The following ITPR1 variants were observed in gnomAD, a reference collection of about 807,000 sequenced individuals.
ITPR1 encodes inositol 1,4,5-trisphosphate-gated calcium channel ITPR1.
A neutral mutation model predicts 318.4 loss-of-function variants in ITPR1; 96 were observed. The observed-to-expected ratio is 0.30, with a 90% CI of 0.26 to 0.36. The LOEUF (loss-of-function observed/expected upper bound fraction) is 0.36. ITPR1 is among the 10% of genes least tolerant of loss of function. The pLI is 1.00. For missense variants in ITPR1, 2,440 were observed against 3,460.2 expected, an observed-to-expected ratio of 0.71 and a Z score of 7.40; for synonymous variants, 1,312 against 1,289.9, an observed-to-expected ratio of 1.02 and a Z score of -0.37.
Position 4,665,170 on chromosome 3 carries a change from C to T in ITPR1, c.1587C>T (p.Asp529=), listed in dbSNP as rs757976728. ...AGTTGTTACAAGCCCCATTCACAGA[C>T]TGCGGTGATGGCCCAATGCTTCGGC... ...IFKLLQAPFT[D]CGDGPMLRLE... is the part of the protein sequence containing the mutation. Residue 529 remains aspartate, a synonymous_variant, in exon 17 of 62, where the codon GAC becomes GAT. Coordinates refer to ENST00000649015, the MANE Select transcript of ITPR1 (RefSeq NM_001378452.1). The T allele has an allele frequency of 1.2e-6, 2 of 1,613,920 alleles. No homozygotes were observed. Among genetic ancestry groups the T allele is most frequent in the African/African-American group, 1.3e-5 (1 of 74,934 alleles).
intron 52 of ITPR1, among the ~76,000 whole-genome samples, chr3:4,789,654 C>T (rs1192508921): frequency 6.6e-6 from 1 of 152,148 alleles, no homozygotes; most frequent in Non-Finnish European, 1.5e-5. Flanking sequence ...GAGTCTTGGT[C>T]TGTCGCCCAG....
rs13321741 is a variant in ITPR1, at chr3:4,797,197, T to C, written c.6931+2010T>C. 9.1e-3 allele frequency among the ~76,000 whole-genome samples: 1,381 copies of C among 151,788 alleles called. 23 individuals carry two copies. Among genetic ancestry groups the C allele is most frequent in the African/African-American group, 0.031 (1,294 of 41,328 alleles). ...GCCTTTTCCATTATCTAGTAGCTGA[T>C]ACTGCCTTAAGTGCATCAGTTCACT... is the stretch of plus-strand genomic sequence containing the variant. On this transcript the variant is annotated intron_variant, in intron 53 of 61. Coordinates refer to ENST00000649015, the MANE Select transcript of ITPR1 (RefSeq NM_001378452.1).
intron 31 of ITPR1, among the ~76,000 whole-genome samples, chr3:4,690,654 A>G (rs1559703489): frequency 6.6e-6 from 1 of 152,216 alleles, no homozygotes; most frequent in Non-Finnish European, 1.5e-5. Flanking sequence ...CAACTCTAGT[A>G]TTTATAATAC....
In ITPR1 at chr3:4,658,185, A is replaced by T; in HGVS notation, c.1058A>T (p.Tyr353Phe). ...RLRNAQEKMV[Y>F]SLVSVPEGND... ...CGGAATGCCCAAGAAAAGATGGTAT[A>T]CTCCCTGGTCTCTGTGCCTGAAGGC... The change falls in exon 13 of 62, where the codon TAC (tyrosine) becomes TTC (phenylalanine). Residue 353 changes from tyrosine to phenylalanine, a missense_variant. Tyr to Phe is a conservative substitution (Grantham distance 22). Coordinates refer to ENST00000649015, the MANE Select transcript of ITPR1 (RefSeq NM_001378452.1). 6.2e-7 allele frequency: 1 copy of T among 1,613,108 alleles called. No individual in the cohort carries two copies. Among genetic ancestry groups the T allele is most frequent in the Non-Finnish European group, 8.5e-7 (1 of 1,179,490 alleles).
At chr3:4,700,987 A>G (rs2094640642) in intron 35 of ITPR1, among the ~76,000 whole-genome samples, 1 of 152,202 alleles carries the variant, frequency 6.6e-6, no homozygotes, top group African/African-American at 2.4e-5. Flanking sequence ...ACCTCCCACC[A>G]GGTGTCTCCC....
In ITPR1 at chr3:4,662,016, T is replaced by A; in HGVS notation, c.1252-66T>A. The A allele has an allele frequency of 3.7e-6, 5 of 1,363,736 alleles. No homozygotes were observed. The South Asian group carries it at 6.3e-5, about 17-fold the overall frequency. 84.5% of individuals were successfully genotyped at this position (1,363,736 alleles called of 1,614,324 possible). A position where few individuals can be genotyped will look rare whatever the true frequency, so the allele number is the denominator to read the frequency against. On this transcript the variant is annotated intron_variant, in intron 14 of 61. Transcript: ENST00000649015. Reference sequence around the variant, plus strand: ...ATCAGCCAGTGTCTCGTAAATGTAGTGTTTGATTAAAGTCTTATCCTTCCC... The same window carrying A: ...ATCAGCCAGTGTCTCGTAAATGTAGAGTTTGATTAAAGTCTTATCCTTCCC...
In ITPR1 at chr3:4,835,729, C is replaced by T. The variant is rs1472515700; in HGVS notation, c.8029-1045C>T. Among the ~76,000 whole-genome samples the T allele has an allele frequency of 2.0e-5, 3 of 152,186 alleles. No individual in the cohort carries two copies. In the East Asian group the frequency reaches 5.8e-4, roughly 29 times the overall value. On this transcript the variant is annotated intron_variant, in intron 60 of 61. Transcript: ENST00000649015. ...AGCTTTTCTTACTGTTCATTCCTGC[C>T]TCTCTGTACAGAACTTATGTATGCG...
At chr3:4,761,100 C>T (rs1185329389) in intron 44 of ITPR1, among the ~76,000 whole-genome samples, 1 of 152,094 alleles carries the variant, frequency 6.6e-6, no homozygotes, top group Non-Finnish European at 1.5e-5. Flanking sequence ...ACTCACAACC[C>T]CCCACCCTCC....
At chr3:4,605,038 C>A (rs1216537725) in intron 4 of ITPR1, among the ~76,000 whole-genome samples, 1 of 152,056 alleles carries the variant, frequency 6.6e-6, no homozygotes, top group Non-Finnish European at 1.5e-5. Context: ...GTGACACAAT[C>A]TTGGCTCACT....
At chr3:4,665,073 C>T (rs2093917879) in intron 16 of ITPR1, 65 bp from the exon 17 acceptor site, 4 of 1,568,112 alleles carry the variant, frequency 2.6e-6, no homozygotes, top group Admixed American at 3.3e-5. Context: ...GCATTACTTC[C>T]AAACAGAGGG....
intron 44 of ITPR1, among the ~76,000 whole-genome samples, chr3:4,764,880 G>T (rs2045703776): frequency 6.6e-6 from 1 of 151,966 alleles, no homozygotes; most frequent in African/African-American, 2.4e-5. Flanking sequence ...GCTCCTTTTT[G>T]TTCACTTCTC....
intron 60 of ITPR1, among the ~76,000 whole-genome samples, chr3:4,821,355 C>T (rs1044979086): frequency 1.3e-5 from 2 of 152,182 alleles, no homozygotes; most frequent in African/African-American, 4.8e-5. Flanking sequence ...TGACAGCTGC[C>T]AAAAGGCAAC....
At chr3:4,613,190 A>G (rs1048229506) in intron 4 of ITPR1, among the ~76,000 whole-genome samples, 10 of 152,232 alleles carry the variant, frequency 6.6e-5, no homozygotes, top group Non-Finnish European at 1.5e-4. Context: ...TTAGGAGTAG[A>G]TAAGAGACAA....
chr3:4,632,802 T>C (rs1300038931), intron 5 of ITPR1, among the ~76,000 whole-genome samples: 2 of 151,974 alleles, frequency 1.3e-5, no homozygotes. Flanking sequence ...TCAAAAATGG[T>C]CAACTCCTTA....
chr3:4,681,515 G>A, intron 26 of ITPR1, 97 bp downstream of exon 26: 1 of 861,872 alleles, frequency 1.2e-6, no homozygotes, highest in Non-Finnish European at 1.9e-6. Flanking sequence ...TTTAGTCTCT[G>A]GGCTTAGGTT....
At position 4,683,359 on chromosome 3, in the gene ITPR1, G is replaced by A. The variant is rs373631337; in HGVS notation, c.3162-27G>A. ...AGAGGAGGCATTTGTCATTCATTTGGCCTTTCCCCACCTTGTGCTCCTTTA... is the reference window on the plus strand; with the variant it reads ...AGAGGAGGCATTTGTCATTCATTTGACCTTTCCCCACCTTGTGCTCCTTTA... On this transcript the variant is annotated intron_variant, in intron 26 of 61. Coordinates refer to ENST00000649015, the MANE Select transcript of ITPR1 (RefSeq NM_001378452.1). 19 of 1,613,686 alleles carry A rather than the reference G, an allele frequency of 1.2e-5. No individual in the cohort carries two copies. The African/African-American group carries it at 2.3e-4, about 19-fold the overall frequency.
intron 55 of ITPR1, among the ~76,000 whole-genome samples, chr3:4,810,021 G>A (rs566553122): frequency 1.3e-5 from 2 of 152,236 alleles, no homozygotes; most frequent in South Asian, 2.1e-4. Flanking sequence ...AAAGCCAATC[G>A]ACCGGAAAAT....
chr3:4,707,333 A>G (rs2094780371), intron 37 of ITPR1, among the ~76,000 whole-genome samples: 1 of 152,210 alleles, frequency 6.6e-6, no homozygotes, highest in South Asian at 2.1e-4. Flanking sequence ...GGTTGGACTC[A>G]TCTTGACACC....
At chr3:4,574,345 G>A (rs2088384442) in intron 4 of ITPR1, among the ~76,000 whole-genome samples, 2 of 152,222 alleles carry the variant, frequency 1.3e-5, no homozygotes, top group Admixed American at 1.3e-4. Context: ...GTTGTAATGT[G>A]AGGGCAATGC....
Sources: gnomAD v4.1 joint callset for allele counts (sites outside exome capture counted in the v4.1 genomes callset) on GRCh38, gnomAD v4.1.1 for gene constraint, MANE v1.5 for transcripts, NCBI Gene and HGNC (gene_info 2026-07-23, HGNC 2026-07-21) for gene names.